Variants in CBR4 observed in about 807,000 individuals in gnomAD.
The protein encoded by CBR4 is carbonyl reductase 4, also known as 3-oxoacyl-[acyl-carrier-protein] reductase.
CBR4 carries 22 observed loss-of-function variants against 21.0 expected under a neutral mutation model. The observed-to-expected ratio is 1.05, with a 90% CI of 0.75 to 1.50. The LOEUF (loss-of-function observed/expected upper bound fraction) is 1.50, where lower values mean the gene tolerates loss of function less well. CBR4 is among the 40% of genes most tolerant of loss of function. The pLI, the probability that CBR4 is intolerant of heterozygous loss-of-function variation, is 0.00. For missense variants in CBR4, 302 were observed against 286.3 expected (o/e 1.05, Z -0.40); for synonymous variants, 100 against 104.4 (o/e 0.96, Z 0.26).
chr4:168,899,197 T>C (rs1446820286), intron 2 of CBR4, among the ~76,000 whole-genome samples: 1 of 152,156 alleles, frequency 6.6e-6, no homozygotes, highest in African/African-American at 2.4e-5. Flanking sequence ...GTGAAGAATA[T>C]TGTTTAGAAC....
intron 2 of CBR4, among the ~76,000 whole-genome samples, chr4:168,979,680 G>T (rs1046946607): frequency 6.6e-6 from 1 of 152,008 alleles, no homozygotes; most frequent in Non-Finnish European, 1.5e-5. Context: ...TCTTCCCTAT[G>T]AGCCCCCACC....
rs528393279 is a variant in CBR4 at position 168,989,033 on chromosome 4, T to A, written c.*1117A>T. The A allele has an allele frequency of 1.0e-6, 1 of 984,942 alleles. No homozygotes were observed. Among genetic ancestry groups the A allele is most frequent in the Admixed American group, 6.1e-5 (1 of 16,286 alleles). 61.0% of individuals were successfully genotyped at this position (984,942 alleles called of 1,614,324 possible). A position where few individuals can be genotyped will look rare whatever the true frequency, so the allele number is the denominator to read the frequency against. ...GTATTTCACATTCGGTTTGTGTCTT[T>A]ATCTCTACTCCCAGGCAAATATTCT... On this transcript the variant is annotated 3_prime_UTR_variant, in exon 5 of 5. Coordinates refer to ENST00000306193, the MANE Select transcript of CBR4 (RefSeq NM_032783.5).
At position 168,936,147 on chromosome 4, in the gene CBR4, G is replaced by C. The variant is rs1006868386; in HGVS notation, n.170-41382C>G. On this transcript the variant is annotated intron_variant and non_coding_transcript_variant, in intron 2 of 3. Transcript: ENST00000509108. ...GTGATACCCAGGTAAACAGGGTCTG[G>C]AGTGGACCTCCAGCAAACTCCAGCA... is the stretch of plus-strand genomic sequence containing the variant. Among the ~76,000 whole-genome samples, 4 of 152,306 alleles carry C rather than the reference G, an allele frequency of 2.6e-5. No individual in the cohort carries two copies. In the East Asian group the frequency reaches 7.7e-4, roughly 29 times the overall value.
chr4:168,940,651 G>A (rs1763238148), intron 2 of CBR4, among the ~76,000 whole-genome samples: 1 of 151,544 alleles, frequency 6.6e-6, no homozygotes, highest in South Asian at 2.1e-4. Context: ...CTCAAAAGAA[G>A]ACATTTATGC....
intron 2 of CBR4, chr4:168,927,490 T>G (rs561660384): frequency 8.6e-6 from 2 of 232,534 alleles, no homozygotes; most frequent in Admixed American, 1.1e-4. Context: ...TGAAAATGGA[T>G]TGAGACTGCA....
intron 2 of CBR4, among the ~76,000 whole-genome samples, chr4:168,943,702 G>C (rs1369417353): frequency 6.6e-6 from 1 of 152,118 alleles, no homozygotes; most frequent in Non-Finnish European, 1.5e-5. Flanking sequence ...CTGAGGTCAG[G>C]AGTTCAAGAC....
intron 2 of CBR4, among the ~76,000 whole-genome samples, chr4:168,976,652 A>T (rs1764380219): frequency 1.3e-5 from 2 of 152,228 alleles, no homozygotes; most frequent in African/African-American, 4.8e-5. Flanking sequence ...GCGGGGGAAG[A>T]TATTACAAAG....
intron 4 of CBR4, among the ~76,000 whole-genome samples, chr4:168,991,807 A>G (rs1202556770): frequency 6.6e-6 from 1 of 152,216 alleles, no homozygotes; most frequent in Admixed American, 6.5e-5. Flanking sequence ...TGAAAAGAAT[A>G]GAAAAAAATT....
Position 168,987,618 on chromosome 4 carries a change from A to G in CBR4, c.*2532T>C. ...AAAATCATTAAATACTTTATTTAAGAACAGTTTGTTTACCAAGTTAGGACA... is the reference window on the plus strand; with the variant it reads ...AAAATCATTAAATACTTTATTTAAGGACAGTTTGTTTACCAAGTTAGGACA... On this transcript the variant is annotated 3_prime_UTR_variant, in exon 5 of 5. Coordinates refer to ENST00000306193, the MANE Select transcript of CBR4 (RefSeq NM_032783.5). 1 of 932,116 alleles carries G rather than the reference A, an allele frequency of 1.1e-6. No individual in the cohort carries two copies. Among genetic ancestry groups the G allele is most frequent in the Non-Finnish European group, 1.3e-6 (1 of 781,506 alleles). 57.7% of individuals were successfully genotyped at this position (932,116 alleles called of 1,614,324 possible). A position where few individuals can be genotyped will look rare whatever the true frequency, so the allele number is the denominator to read the frequency against.
chr4:168,936,537 A>G (rs533186001), intron 2 of CBR4, among the ~76,000 whole-genome samples: 2 of 152,306 alleles, frequency 1.3e-5, no homozygotes, highest in South Asian at 2.1e-4. Flanking sequence ...AGAAGCTTGA[A>G]AAAAGGTTAG....
chr4:168,981,443 C>G (rs1330309734), intron 2 of CBR4, among the ~76,000 whole-genome samples: 1 of 152,034 alleles, frequency 6.6e-6, no homozygotes, highest in African/African-American at 2.4e-5. Flanking sequence ...CCAAACTGAG[C>G]TGATAGACCT....
At chr4:168,931,968 A>C (rs1238143187) in intron 2 of CBR4, among the ~76,000 whole-genome samples, 1 of 76,738 alleles carries the variant, frequency 1.3e-5, no homozygotes, top group Non-Finnish European at 3.5e-5. Context: ...ACCTTTCATC[A>C]AATTAGAAGA....
At chr4:169,002,382 C>G (rs1475688948) in intron 3 of CBR4, among the ~76,000 whole-genome samples, 177 bp from the exon 4 acceptor site, 3 of 152,138 alleles carry the variant, frequency 2.0e-5, no homozygotes, top group Non-Finnish European at 2.9e-5. Context: ...ATTTAAGAGT[C>G]CAAGTCTGCT....
At chr4:168,921,218 C>T (rs1487030297) in intron 2 of CBR4, among the ~76,000 whole-genome samples, 1 of 151,834 alleles carries the variant, frequency 6.6e-6, no homozygotes, top group Admixed American at 6.6e-5. Context: ...CCAGCCCGGC[C>T]AACATAGTGA....
At chr4:168,910,775 A>T (rs868070783) in intron 2 of CBR4, among the ~76,000 whole-genome samples, 4 of 152,314 alleles carry the variant, frequency 2.6e-5, no homozygotes, top group Middle Eastern at 3.4e-3. Flanking sequence ...ACAAACTTAG[A>T]CTGATTCCAG....
intron 2 of CBR4, among the ~76,000 whole-genome samples, chr4:168,977,792 A>T (rs1049596446): frequency 4.6e-5 from 7 of 152,234 alleles, no homozygotes; most frequent in African/African-American, 1.7e-4. Flanking sequence ...CCACTCATCC[A>T]GATTTATACA....
intron 2 of CBR4, chr4:168,896,550 A>AC: frequency 6.7e-7 from 1 of 1,485,500 alleles, no homozygotes; most frequent in Non-Finnish European, 9.1e-7. Context: ...CCATTACAGG[A>AC]CATTGGTTCT....
intron 2 of CBR4, among the ~76,000 whole-genome samples, chr4:168,909,461 T>C (rs990635332): frequency 6.6e-6 from 1 of 152,182 alleles, no homozygotes; most frequent in Non-Finnish European, 1.5e-5. Flanking sequence ...CAAACTTATT[T>C]GTAATATAAG....
chr4:168,922,098 TATATACAC>T (rs1209447643), intron 2 of CBR4, among the ~76,000 whole-genome samples: 6,724 of 107,008 alleles, frequency 0.063, 205 homozygotes, highest in Middle Eastern at 0.093. Flanking sequence ...TATATATATA[TATATACAC>T]ACACACACAC....
Sources: allele counts gnomAD v4.1 joint callset (sites outside exome capture counted in the v4.1 genomes callset), GRCh38; gene constraint gnomAD v4.1.1; transcripts MANE v1.5; gene names NCBI Gene and HGNC (gene_info 2026-07-23, HGNC 2026-07-21).